TBXAS1: variants seen among roughly 807,000 people sequenced by gnomAD.
TBXAS1 encodes the protein thromboxane A synthase 1, also known as thromboxane-A synthase.
A neutral mutation model predicts 60.7 loss-of-function variants in TBXAS1; 48 were observed. The observed-to-expected ratio is 0.79, with a 90% confidence interval of 0.63 to 1.01. The LOEUF is 1.01. Ranked by LOEUF, TBXAS1 falls within the 50% of genes least tolerant of loss-of-function variation. The pLI, the probability that TBXAS1 is intolerant of heterozygous loss-of-function variation, is 0.00. For missense variants in TBXAS1, 685 were observed against 686.3 expected, an observed-to-expected ratio of 1.00 and a Z score of 0.02; for synonymous variants, 287 against 269.7, an observed-to-expected ratio of 1.06 and a Z score of -0.63.
chr7:139,939,240 T>C (rs1042835503), intron 5 of TBXAS1, among the ~76,000 whole-genome samples: 1 of 151,942 alleles, frequency 6.6e-6, no homozygotes, highest in Admixed American at 6.6e-5. Flanking sequence ...GGCAGGCACC[T>C]GTAACCCCAG....
intron 4 of TBXAS1, among the ~76,000 whole-genome samples, chr7:139,814,390 G>A (rs914121478): frequency 2.0e-5 from 3 of 152,196 alleles, no homozygotes; most frequent in African/African-American, 7.2e-5. Context: ...GATGAAAACA[G>A]TGTCAGGTAA....
intron 3 of TBXAS1, among the ~76,000 whole-genome samples, chr7:139,785,399 G>A (rs1223318124): frequency 6.6e-6 from 1 of 152,008 alleles, no homozygotes; most frequent in African/African-American, 2.4e-5. Flanking sequence ...CCTCCTTCTG[G>A]TAAACAATAA....
At chr7:140,002,114 C>A (rs548812758) in intron 9 of TBXAS1, among the ~76,000 whole-genome samples, 1 of 152,182 alleles carries the variant, frequency 6.6e-6, no homozygotes, top group Non-Finnish European at 1.5e-5. Flanking sequence ...ATATGTATTC[C>A]TTGAATATGT....
intron 9 of TBXAS1, among the ~76,000 whole-genome samples, chr7:140,005,109 G>A (rs896537852): frequency 1.3e-5 from 2 of 152,234 alleles, no homozygotes; most frequent in Non-Finnish European, 2.9e-5. Context: ...CCATGCATAA[G>A]CCAGGCTTCC....
intron 9 of TBXAS1, among the ~76,000 whole-genome samples, chr7:139,967,963 C>T (rs1810914722): frequency 6.6e-6 from 1 of 152,228 alleles, no homozygotes; most frequent in African/African-American, 2.4e-5. Context: ...CTGTTTCTTG[C>T]AAATCATCCC....
chr7:139,938,034 A>T (rs959376072), intron 5 of TBXAS1, among the ~76,000 whole-genome samples: 3 of 152,174 alleles, frequency 2.0e-5, no homozygotes, highest in African/African-American at 7.2e-5. Flanking sequence ...ATTTTCTCTT[A>T]TCTTACTGGT....
At chr7:139,943,189 T>C (rs1463546249) in intron 5 of TBXAS1, among the ~76,000 whole-genome samples, 1 of 152,202 alleles carries the variant, frequency 6.6e-6, no homozygotes, top group Non-Finnish European at 1.5e-5. Context: ...TTAATCCTCC[T>C]GAACAATAAA....
rs968658428 is a variant in TBXAS1, at chr7:140,020,237, A to G, written c.*138A>G. 2 of 853,478 alleles carry G rather than the reference A, an allele frequency of 2.3e-6. No individual in the cohort carries two copies. Among genetic ancestry groups the G allele is most frequent in the Non-Finnish European group, 3.9e-6 (2 of 516,586 alleles). 52.9% of individuals were successfully genotyped at this position (853,478 alleles called of 1,614,324 possible). On this transcript the variant is annotated 3_prime_UTR_variant, in exon 13 of 13. Transcript: ENST00000448866. ...CATGCAAGGATAAGAGGTTCTTTAC[A>G]TAACATTTCCTAAATGCTTAATAAA...
At chr7:140,015,946 AC>A (rs1374747088) in intron 11 of TBXAS1, 86 bp downstream of exon 11, 4 of 1,589,866 alleles carry the variant, frequency 2.5e-6, no homozygotes, top group Non-Finnish European at 2.6e-6. Flanking sequence ...GCCGGGAGGC[AC>A]AGACTTAGCA....
At chr7:139,939,933 T>C (rs1404230606) in intron 5 of TBXAS1, among the ~76,000 whole-genome samples, 1 of 152,226 alleles carries the variant, frequency 6.6e-6, no homozygotes, top group Non-Finnish European at 1.5e-5. Flanking sequence ...TTCTGAAACG[T>C]GAAACCAATG....
At position 139,921,854 on chromosome 7, in the gene TBXAS1, C is replaced by T. The variant is rs1238052679; in HGVS notation, c.333+10533C>T. ...ATTTATGAACACCTAGGAGCAGCAT[C>T]GCTAGCCCACGAGAGTAGGTGCATG... On this transcript the variant is annotated intron_variant, in intron 4 of 12. Coordinates refer to ENST00000448866, the MANE Select transcript of TBXAS1 (RefSeq NM_001061.7). 3.3e-5 allele frequency among the ~76,000 whole-genome samples: 5 copies of T among 152,156 alleles called. No individual in the cohort carries two copies. In the East Asian group the frequency reaches 7.7e-4, roughly 23 times the overall value.
chr7:139,895,122 G>A (rs1404486922), intron 3 of TBXAS1, among the ~76,000 whole-genome samples: 1 of 152,168 alleles, frequency 6.6e-6, no homozygotes, highest in Non-Finnish European at 1.5e-5. Flanking sequence ...AGGCTTCTAG[G>A]AGGAAGTAGG....
intron 4 of TBXAS1, among the ~76,000 whole-genome samples, chr7:139,934,171 A>C (rs1414584656): frequency 1.3e-5 from 2 of 152,010 alleles, no homozygotes; most frequent in African/African-American, 4.8e-5. Flanking sequence ...CATGAGGGCC[A>C]ATGCAAAGTC....
intron 1 of TBXAS1, among the ~76,000 whole-genome samples, chr7:139,845,571 T>G (rs2267682): frequency 0.5 from 76,047 of 151,928 alleles, 19,256 homozygotes; most frequent in South Asian, 0.69. Flanking sequence ...TCCTTCCTCA[T>G]CTTTAGCTGA....
At chr7:139,914,615 C>A (rs1805818222) in intron 4 of TBXAS1, among the ~76,000 whole-genome samples, 1 of 152,126 alleles carries the variant, frequency 6.6e-6, no homozygotes, top group Admixed American at 6.5e-5. Context: ...TCTTCCACAC[C>A]CATCCAAACT....
intron 9 of TBXAS1, among the ~76,000 whole-genome samples, chr7:139,971,318 T>A (rs6962291): frequency 0.36 from 54,539 of 151,856 alleles, 10,049 homozygotes; most frequent in Middle Eastern, 0.52. Context: ...GGAAGTTAAG[T>A]TTTGTGGTCA....
intron 4 of TBXAS1, among the ~76,000 whole-genome samples, chr7:139,810,440 G>A (rs150819407): frequency 0.01 from 1,559 of 152,322 alleles, 21 homozygotes; most frequent in Middle Eastern, 0.054. Flanking sequence ...CAGTGGTTGA[G>A]TGTCTCTGGT....
At chr7:139,823,442 C>A (rs1171949810) in intron 4 of TBXAS1, among the ~76,000 whole-genome samples, 1 of 151,924 alleles carries the variant, frequency 6.6e-6, no homozygotes, top group African/African-American at 2.4e-5. Context: ...GAACAGAGTC[C>A]CTAAAAGGAT....
At chr7:139,945,930 A>G (rs1300006310) in intron 5 of TBXAS1, among the ~76,000 whole-genome samples, 1 of 152,236 alleles carries the variant, frequency 6.6e-6, no homozygotes, top group Non-Finnish European at 1.5e-5. Flanking sequence ...GGTTATTAGC[A>G]GGATTCAATT....
Sources: allele counts gnomAD v4.1 joint callset (sites outside exome capture counted in the v4.1 genomes callset), GRCh38; gene constraint gnomAD v4.1.1; transcripts MANE v1.5; gene names NCBI Gene and HGNC (gene_info 2026-07-23, HGNC 2026-07-21).